SHOX: variants seen among roughly 807,000 people sequenced by gnomAD.
The protein encoded by SHOX is SHOX homeobox, also known as short stature homeobox protein.
In SHOX, 12 loss-of-function variants were observed where a neutral mutation model predicts 29.6. The observed-to-expected ratio is 0.41, with a 90% confidence interval of 0.26 to 0.66. SHOX has a LOEUF of 0.66. Ranked by LOEUF, SHOX falls within the 30% of genes least tolerant of loss-of-function variation. The pLI is 0.35. For synonymous variants in SHOX, 214 were observed against 200.6 expected (o/e 1.07, Z -0.57); for missense variants, 499 against 437.7 (o/e 1.14, Z -1.25).
At chrX:637,949 G>A (rs1038286006) in intron 2 of SHOX, among the ~76,000 whole-genome samples, 2 of 152,128 alleles carry the variant, frequency 1.3e-5, no homozygotes, top group Admixed American at 1.3e-4. Flanking sequence ...GCTTCTAATC[G>A]AAAGTTATGA....
intron 1 of SHOX, among the ~76,000 whole-genome samples, chrX:625,303 C>T (rs1351328700): frequency 6.0e-5 from 9 of 150,444 alleles, no homozygotes; most frequent in South Asian, 4.2e-4. Flanking sequence ...CGTTTTTATT[C>T]GCAGTCGTTG....
chrX:657,915 G>A (rs1286642477), intron 5 of SHOX, among the ~76,000 whole-genome samples: 2 of 152,130 alleles, frequency 1.3e-5, no homozygotes, highest in Non-Finnish European at 2.9e-5. Flanking sequence ...CCTTTGGAAG[G>A]CCATATATGG....
chrX:630,723 G>T, upstream of SHOX: 1 of 775,164 alleles, frequency 1.3e-6, no homozygotes, highest in Non-Finnish European at 2.1e-6. Context: ...AATTGCACCA[G>T]ACAGGCAGCG....
rs1465031660 is a variant in SHOX at position 650,356 on chromosome X, C to G, written c.*5720C>G. ...ATCCCGCCAAAGTCCAGCCAGGCCC[C>G]CGAAATGGTCCCATTTCCTTGGAAG... On this transcript the variant is annotated 3_prime_UTR_variant, in exon 5 of 5. Coordinates refer to ENST00000686671, the MANE Select transcript of SHOX (RefSeq NM_000451.4). Among the ~76,000 whole-genome samples, 1 of 152,000 alleles carries G rather than the reference C, an allele frequency of 6.6e-6. No individual in the cohort carries two copies. Among genetic ancestry groups the G allele is most frequent in the East Asian group, 1.9e-4 (1 of 5,156 alleles).
upstream of SHOX, among the ~76,000 whole-genome samples, chrX:627,423 A>G (rs1374514526): frequency 2.0e-5 from 3 of 152,250 alleles, no homozygotes; most frequent in Admixed American, 2.0e-4. Flanking sequence ...AAAGGTCTTT[A>G]GGTGAGAGGG....
In SHOX at chrX:649,817, C is replaced by G. The variant is rs1388801147; in HGVS notation, c.*5181C>G. The G allele has an allele frequency of 4.6e-6, 2 of 437,416 alleles. No individual in the cohort carries two copies. The highest frequency in any genetic ancestry group is 3.3e-5 in the South Asian group (2 of 60,144). 27.1% of individuals were successfully genotyped at this position (437,416 alleles called of 1,614,324 possible). A position where few individuals can be genotyped will look rare whatever the true frequency, so the allele number is the denominator to read the frequency against. On this transcript the variant is annotated 3_prime_UTR_variant, in exon 5 of 5. Coordinates refer to ENST00000686671, the MANE Select transcript of SHOX (RefSeq NM_000451.4). ...CTCCCCAAAACTTGGCCAAATAGTC[C>G]GTGGAGGGTTGTCAGTCGCCGCAGT...
upstream of SHOX, among the ~76,000 whole-genome samples, chrX:627,667 T>C (rs2052562476): frequency 6.7e-6 from 1 of 148,178 alleles, no homozygotes; most frequent in Non-Finnish European, 1.5e-5. Flanking sequence ...GGGCCTTGAA[T>C]AGCCACACAG....
intron 4 of SHOX, 84 bp from the exon 5 acceptor site, chrX:644,307 G>T (rs892677014): frequency 2.1e-6 from 3 of 1,432,028 alleles, no homozygotes; most frequent in Non-Finnish European, 2.7e-6. Flanking sequence ...GAAGAGGCAC[G>T]TTGGAGGTTT....
downstream of SHOX, among the ~76,000 whole-genome samples, chrX:655,614 C>CTATATATA (rs1173014302): frequency 4.3e-4 from 15 of 35,078 alleles, no homozygotes; most frequent in South Asian, 1.2e-3. Flanking sequence ...CTCTCTCTCT[C>CTATATATA]TATATATATA....
chrX:635,620 C>G (rs143860312), intron 2 of SHOX, among the ~76,000 whole-genome samples: 2 of 152,172 alleles, frequency 1.3e-5, no homozygotes, highest in African/African-American at 4.8e-5. Flanking sequence ...TCACGCTGCC[C>G]CATGAGACCA....
upstream of SHOX, among the ~76,000 whole-genome samples, chrX:628,274 TC>T (rs1175577008): frequency 2.0e-5 from 2 of 98,554 alleles, no homozygotes; most frequent in African/African-American, 7.7e-5. Context: ...TCTCCATCTC[TC>T]CCTGTCTCTC....
Position 630,841 on chromosome X carries a change from C to T in SHOX, c.-57C>T, listed in dbSNP as rs1051496932. 5 of 1,605,454 alleles carry T rather than the reference C, an allele frequency of 3.1e-6. No homozygotes were observed. The highest frequency in any genetic ancestry group is 2.7e-5 in the African/African-American group (2 of 74,614). On this transcript the variant is annotated 5_prime_UTR_variant, in exon 1 of 5. Transcript: ENST00000686671. ...CCGCGCGCACGGGCCGTCCTCTCCG[C>T]GCGGGGAGACGCGCGCATCCACCAG...
Position 630,887 on chromosome X carries a change from CG to C in SHOX, c.-9del, listed in dbSNP as rs778186580. 6.2e-4 allele frequency: 1,006 copies of C among 1,612,664 alleles called. 2 individuals are homozygous for C. The highest frequency in any genetic ancestry group is 8.3e-4 in the Non-Finnish European group (975 of 1,179,814). ...ACCAGCCCCGGCTGCTCGCCAGCCCCGGCCCCAGCCATGGAAGAGCTCACGG... is the reference window on the plus strand; with the variant it reads ...ACCAGCCCCGGCTGCTCGCCAGCCCCGCCCCAGCCATGGAAGAGCTCACGG... On this transcript the variant is annotated 5_prime_UTR_variant, in exon 1 of 5. Transcript: ENST00000686671.
rs151301186 is a variant in SHOX at position 651,124 on chromosome X, G to A, written c.*6488G>A. ...GTTATTTATTTTTTTTTCCTTGGTC[G>A]GACGTTCATAAATATGTACTATTTT... On this transcript the variant is annotated 3_prime_UTR_variant, in exon 5 of 5. Transcript: ENST00000686671. The A allele has an allele frequency of 1.5e-5, 5 of 342,164 alleles. No homozygotes were observed. The highest frequency in any genetic ancestry group is 9.5e-5 in the South Asian group (4 of 42,308). 21.2% of individuals were successfully genotyped at this position (342,164 alleles called of 1,614,324 possible).
downstream of SHOX, among the ~76,000 whole-genome samples, chrX:655,610 CTCTCTATATATATATATATAT>C (rs2053134446): frequency 5.2e-5 from 1 of 19,146 alleles, no homozygotes; most frequent in Admixed American, 8.4e-4. Context: ...CTCTCTCTCT[CTCTCTATATATATATATATAT>C]ATATATATAT....
At chrX:642,061 T>C (rs1440574189) in intron 4 of SHOX, among the ~76,000 whole-genome samples, 1 of 152,038 alleles carries the variant, frequency 6.6e-6, no homozygotes, top group African/African-American at 2.4e-5. Context: ...GGAGTCGGGG[T>C]TCGGTCGCGG....
intron 3 of SHOX, 52 bp from the exon 4 acceptor site, chrX:640,947 T>C: frequency 6.2e-7 from 1 of 1,613,298 alleles, no homozygotes; most frequent in Non-Finnish European, 8.5e-7. Flanking sequence ...GTCGACGAGG[T>C]GCTGGCTACA....
At chrX:652,524 G>A (rs73607285), downstream of SHOX, among the ~76,000 whole-genome samples, 1,786 of 152,018 alleles carry the variant, frequency 0.012, 39 homozygotes, top group African/African-American at 0.041. Context: ...GGGCAGTGCT[G>A]GGGGAGCTTT....
chrX:655,568 GTCTCTCTCTCTCTC>G (rs1228178183), downstream of SHOX, among the ~76,000 whole-genome samples: 327 of 87,698 alleles, frequency 3.7e-3, 2 homozygotes, highest in East Asian at 7.0e-3. Flanking sequence ...CTCTCTCTCT[GTCTCTCTCTCTCTC>G]TCTCTCTCTC....
Sources: gnomAD v4.1 joint callset for allele counts (sites outside exome capture counted in the v4.1 genomes callset) on GRCh38, gnomAD v4.1.1 for gene constraint, MANE v1.5 for transcripts, NCBI Gene and HGNC (gene_info 2026-07-23, HGNC 2026-07-21) for gene names.